PPP1R16B: variants seen among roughly 807,000 people sequenced by gnomAD.
The protein encoded by PPP1R16B is protein phosphatase 1 regulatory subunit 16B.
PPP1R16B carries 14 observed loss-of-function variants against 61.7 expected under a neutral mutation model. The observed-to-expected ratio is 0.23, with a 90% confidence interval of 0.15 to 0.35. PPP1R16B has a LOEUF of 0.35. PPP1R16B is among the 10% of genes least tolerant of loss of function. The pLI, the probability that PPP1R16B is intolerant of heterozygous loss-of-function variation, is 1.00. For synonymous variants in PPP1R16B, 266 were observed against 305.3 expected, an observed-to-expected ratio of 0.87 and a Z score of 1.34; for missense variants, 547 against 752.5, an observed-to-expected ratio of 0.73 and a Z score of 3.19.
chr20:38,880,941 G>A (rs1026307387), intron 2 of PPP1R16B, among the ~76,000 whole-genome samples: 2 of 152,284 alleles, frequency 1.3e-5, no homozygotes, highest in African/African-American at 2.4e-5. Context: ...AGGGCCCGAG[G>A]GCTCTGATTT....
intron 2 of PPP1R16B, among the ~76,000 whole-genome samples, chr20:38,867,131 C>T (rs761314624): frequency 6.6e-6 from 1 of 152,152 alleles, no homozygotes; most frequent in Non-Finnish European, 1.5e-5. Flanking sequence ...GGATAGACCC[C>T]CTGTCCCCCG....
chr20:38,810,517 C>T (rs11906487), intron 1 of PPP1R16B, among the ~76,000 whole-genome samples: 11,470 of 152,174 alleles, frequency 0.075, 467 homozygotes, highest in African/African-American at 0.1. Context: ...CCAGGAAGCA[C>T]GAAGAAGAAG....
chr20:38,888,253 C>T (rs2085261529), intron 2 of PPP1R16B, among the ~76,000 whole-genome samples: 1 of 152,190 alleles, frequency 6.6e-6, no homozygotes, highest in South Asian at 2.1e-4. Context: ...GCTCAGAGGG[C>T]TCAGGGCCAG....
intron 2 of PPP1R16B, among the ~76,000 whole-genome samples, chr20:38,855,396 T>A (rs1302078262): frequency 6.6e-6 from 1 of 151,902 alleles, no homozygotes; most frequent in African/African-American, 2.4e-5. Flanking sequence ...TTCGCAAAAC[T>A]TCCCCCAAGT....
intron 1 of PPP1R16B, among the ~76,000 whole-genome samples, chr20:38,813,731 C>T (rs559064973): frequency 7.0e-4 from 106 of 151,018 alleles, no homozygotes; most frequent in Non-Finnish European, 1.2e-3. Flanking sequence ...CTTTAGTCCT[C>T]CTAACAACTC....
chr20:38,835,393 G>T (rs1877672803), intron 1 of PPP1R16B, among the ~76,000 whole-genome samples: 1 of 152,138 alleles, frequency 6.6e-6, no homozygotes, highest in African/African-American at 2.4e-5. Flanking sequence ...TTAAAGTAGG[G>T]TGACTCTATA....
At chr20:38,818,097 T>G (rs1262309725) in intron 1 of PPP1R16B, among the ~76,000 whole-genome samples, 1 of 152,142 alleles carries the variant, frequency 6.6e-6, no homozygotes, top group Non-Finnish European at 1.5e-5. Context: ...GTTAGTGTGG[T>G]GTAGTGAAAA....
chr20:38,872,552 C>G (rs113574685), intron 2 of PPP1R16B, among the ~76,000 whole-genome samples: 7 of 152,270 alleles, frequency 4.6e-5, no homozygotes, highest in South Asian at 4.1e-4. Context: ...TTAGACACCC[C>G]CCTCCTGCAG....
At chr20:38,902,094 AAC>A in intron 5 of PPP1R16B, among the ~76,000 whole-genome samples, 1 of 152,358 alleles carries the variant, frequency 6.6e-6, no homozygotes, top group Middle Eastern at 3.4e-3. Flanking sequence ...AGCTGTCAGT[AAC>A]ACACTTTTAA....
chr20:38,874,800 G>A (rs1284653374), intron 2 of PPP1R16B, among the ~76,000 whole-genome samples: 2 of 152,168 alleles, frequency 1.3e-5, no homozygotes, highest in African/African-American at 2.4e-5. Flanking sequence ...AAGTGTGGGG[G>A]TATTGGAGCC....
In PPP1R16B at chr20:38,920,570, G is replaced by A. The variant is rs1306504733; in HGVS notation, c.*1904G>A. 6.5e-6 allele frequency: 1 copy of A among 153,028 alleles called. No homozygotes were observed. The highest frequency in any genetic ancestry group is 1.5e-5 in the Non-Finnish European group (1 of 68,736). The allele number at this position is 153,028 out of a possible 1,614,324, so 9.5% of individuals were successfully genotyped here. On this transcript the variant is annotated 3_prime_UTR_variant, in exon 11 of 11. Coordinates refer to ENST00000299824, the MANE Select transcript of PPP1R16B (RefSeq NM_015568.4). The stretch of plus-strand genomic sequence containing the variant: ...ACCCAGAGAGGGAGCTGGACTTCAG[G>A]GAGCCTGAGTGATGCTTTCCCAGGA...
rs796440925 is a variant in PPP1R16B at position 38,920,338 on chromosome 20, T to C, written c.*1672T>C. On this transcript the variant is annotated 3_prime_UTR_variant, in exon 11 of 11. Transcript: ENST00000299824. ...CTACCTCCTTAGAGCTCTGAAGGGG[T>C]CTCCTAGTTCCAGATTTTAATTTGG... The C allele has an allele frequency of 6.5e-6, 1 of 152,742 alleles. No individual in the cohort carries two copies. The highest frequency in any genetic ancestry group is 2.4e-5 in the African/African-American group (1 of 41,534). 9.5% of individuals were successfully genotyped at this position (152,742 alleles called of 1,614,324 possible).
chr20:38,869,811 G>A (rs2085114589), intron 2 of PPP1R16B, among the ~76,000 whole-genome samples: 1 of 152,032 alleles, frequency 6.6e-6, no homozygotes, highest in Admixed American at 6.6e-5. Context: ...TAAGGCAAAA[G>A]TGGCAGTTCA....
chr20:38,882,822 A>T (rs752273001), intron 2 of PPP1R16B, among the ~76,000 whole-genome samples: 7 of 152,186 alleles, frequency 4.6e-5, no homozygotes, highest in Non-Finnish European at 8.8e-5. Flanking sequence ...AAGGATGAAG[A>T]AGAGTTTGCC....
chr20:38,896,845 T>C (rs1284773486), intron 4 of PPP1R16B, among the ~76,000 whole-genome samples: 2 of 152,288 alleles, frequency 1.3e-5, no homozygotes, highest in South Asian at 2.1e-4. Flanking sequence ...GTAAGCACTT[T>C]ATAGAAGTGG....
intron 1 of PPP1R16B, among the ~76,000 whole-genome samples, chr20:38,823,376 C>G (rs1025366722): frequency 1.3e-5 from 2 of 152,232 alleles, no homozygotes; most frequent in East Asian, 3.8e-4. Context: ...CACGGTGGCT[C>G]ACACCTGTAA....
intron 4 of PPP1R16B, among the ~76,000 whole-genome samples, chr20:38,898,187 T>C (rs2085364037): frequency 6.6e-6 from 1 of 152,214 alleles, no homozygotes; most frequent in African/African-American, 2.4e-5. Context: ...AGGATCTAAC[T>C]TCATTCTTTT....
chr20:38,838,728 C>T (rs1372776876), intron 2 of PPP1R16B, among the ~76,000 whole-genome samples: 2 of 152,224 alleles, frequency 1.3e-5, no homozygotes, highest in African/African-American at 4.8e-5. Flanking sequence ...AGCCCCATTG[C>T]CCCTCCCTGA....
intron 3 of PPP1R16B, among the ~76,000 whole-genome samples, chr20:38,892,327 C>T (rs1201664998): frequency 6.6e-6 from 1 of 152,090 alleles, no homozygotes; most frequent in African/African-American, 2.4e-5. Flanking sequence ...GGTTCCTGGG[C>T]CCCTGGGGAT....
Sources: gnomAD v4.1 joint callset for allele counts (sites outside exome capture counted in the v4.1 genomes callset) on GRCh38, gnomAD v4.1.1 for gene constraint, MANE v1.5 for transcripts, NCBI Gene and HGNC (gene_info 2026-07-23, HGNC 2026-07-21) for gene names.